TRABD2B: variants seen among roughly 807,000 people sequenced by gnomAD.
The protein encoded by TRABD2B is metalloprotease TIKI2.
TRABD2B carries 14 observed loss-of-function variants against 40.1 expected under a neutral mutation model. The ratio of observed to expected loss-of-function variants is 0.35; its 90% CI spans 0.23 to 0.55. TRABD2B has a LOEUF of 0.55. Ranked by LOEUF, TRABD2B falls within the 20% of genes least tolerant of loss-of-function variation. The pLI is 0.90. For synonymous variants in TRABD2B, 263 were observed against 277.0 expected, an observed-to-expected ratio of 0.95 and a Z score of 0.50; for missense variants, 541 against 648.6, an observed-to-expected ratio of 0.83 and a Z score of 1.80.
At chr1:47,847,726 A>G (rs1645491358) in intron 2 of TRABD2B, among the ~76,000 whole-genome samples, 1 of 152,218 alleles carries the variant, frequency 6.6e-6, no homozygotes, top group South Asian at 2.1e-4. Flanking sequence ...CAGCCCAGTC[A>G]AGAGGGGGAA....
At chr1:47,922,071 C>G (rs146323906) in intron 2 of TRABD2B, among the ~76,000 whole-genome samples, 1 of 152,212 alleles carries the variant, frequency 6.6e-6, no homozygotes, top group Non-Finnish European at 1.5e-5. Context: ...GCAAAGCCCA[C>G]GCCATTTCTG....
intron 2 of TRABD2B, among the ~76,000 whole-genome samples, chr1:47,909,292 A>G (rs1307877512): frequency 6.6e-6 from 1 of 152,170 alleles, no homozygotes; most frequent in Admixed American, 6.5e-5. Flanking sequence ...AAGCATTACA[A>G]GAAGCATGGC....
chr1:47,912,458 C>T (rs1570272525), intron 2 of TRABD2B, among the ~76,000 whole-genome samples: 1 of 152,230 alleles, frequency 6.6e-6, no homozygotes, highest in Middle Eastern at 3.4e-3. Flanking sequence ...AAATAAAACC[C>T]AGCCGTCTTT....
At chr1:47,938,518 C>G (rs1157563281) in intron 2 of TRABD2B, among the ~76,000 whole-genome samples, 1 of 152,156 alleles carries the variant, frequency 6.6e-6, no homozygotes, top group Non-Finnish European at 1.5e-5. Flanking sequence ...TTTTTGGAAG[C>G]ACTAGACACT....
intron 2 of TRABD2B, among the ~76,000 whole-genome samples, chr1:47,837,141 G>A (rs987164837): frequency 6.6e-6 from 1 of 152,162 alleles, no homozygotes; most frequent in South Asian, 2.1e-4. Flanking sequence ...AGAGCACTGG[G>A]GCTCAGGAAG....
chr1:47,931,175 T>G (rs1645035229), intron 2 of TRABD2B, among the ~76,000 whole-genome samples: 1 of 152,244 alleles, frequency 6.6e-6, no homozygotes, highest in African/African-American at 2.4e-5. Context: ...AATGATTATG[T>G]GTAGAATAGG....
chr1:47,852,741 G>C (rs972074250), intron 2 of TRABD2B, among the ~76,000 whole-genome samples: 5 of 152,198 alleles, frequency 3.3e-5, no homozygotes. Context: ...ATGAAGAAAT[G>C]GGGTGGGTGG....
rs147433996 is a variant in TRABD2B at position 47,828,474 on chromosome 1, G to A, written c.667-26855C>T. Among the ~76,000 whole-genome samples, 133 of 152,350 alleles carry A rather than the reference G, an allele frequency of 8.7e-4. 1 individual carries two copies. The highest frequency in any genetic ancestry group is 3.1e-3 in the African/African-American group (127 of 41,576). On this transcript the variant is annotated intron_variant, in intron 2 of 6. Coordinates refer to ENST00000606738, the MANE Select transcript of TRABD2B (RefSeq NM_001194986.2). Reference sequence around the variant, plus strand: ...GTCACTGGGATTTGACAGTGCACGAGGGCCGCTCAGTCAGCAGCTGCTGCA... The same window carrying A: ...GTCACTGGGATTTGACAGTGCACGAAGGCCGCTCAGTCAGCAGCTGCTGCA...
chr1:47,931,062 C>T (rs1645033682), intron 2 of TRABD2B, among the ~76,000 whole-genome samples: 1 of 152,194 alleles, frequency 6.6e-6, no homozygotes, highest in African/African-American at 2.4e-5. Context: ...GAGACCTTTT[C>T]TGTATTATCG....
At chr1:47,796,324 C>T (rs539609807) in intron 3 of TRABD2B, among the ~76,000 whole-genome samples, 3 of 152,176 alleles carry the variant, frequency 2.0e-5, no homozygotes, top group Non-Finnish European at 4.4e-5. Context: ...CTATCTTCAC[C>T]TACCCAGGCC....
At chr1:47,830,167 C>T (rs1460048700) in intron 2 of TRABD2B, among the ~76,000 whole-genome samples, 2 of 152,242 alleles carry the variant, frequency 1.3e-5, no homozygotes, top group Non-Finnish European at 2.9e-5. Context: ...GTCCCCCTCC[C>T]AGATGGGACC....
At chr1:47,960,397 T>C (rs1298644748) in intron 2 of TRABD2B, among the ~76,000 whole-genome samples, 2 of 152,140 alleles carry the variant, frequency 1.3e-5, no homozygotes, top group African/African-American at 4.8e-5. Context: ...ATGAAGGGGA[T>C]TCAATTAGGA....
intron 2 of TRABD2B, among the ~76,000 whole-genome samples, chr1:47,867,905 G>A: frequency 6.6e-6 from 1 of 152,312 alleles, no homozygotes; most frequent in South Asian, 2.1e-4. Flanking sequence ...TGCTTTATCA[G>A]GGGTAAAATG....
Position 47,996,648 on chromosome 1 carries a change from C to A in TRABD2B, c.102+40G>T. 8.2e-7 allele frequency: 1 copy of A among 1,226,318 alleles called. No individual in the cohort carries two copies. The highest frequency in any genetic ancestry group is 3.2e-5 in the East Asian group (1 of 31,148). 76.0% of individuals were successfully genotyped at this position (1,226,318 alleles called of 1,614,324 possible). ...CCATGGTCCCACGGGACTAGAATAC[C>A]CAGGCAGGCGGGAGAGTGGCCGGGC... is the stretch of plus-strand genomic sequence containing the variant. On this transcript the variant is annotated intron_variant, in intron 1 of 6. Transcript: ENST00000606738. This position sits in a 1 kb window ranked among gnomAD's most constrained non-coding sequence, Gnocchi z 4.6.
intron 2 of TRABD2B, among the ~76,000 whole-genome samples, chr1:47,803,800 T>C (rs886509800): frequency 6.6e-6 from 1 of 152,212 alleles, no homozygotes; most frequent in African/African-American, 2.4e-5. Context: ...TGTCACTTCA[T>C]TGTTTCTTTA....
At chr1:47,881,968 G>T (rs903134231) in intron 2 of TRABD2B, among the ~76,000 whole-genome samples, 24 of 152,228 alleles carry the variant, frequency 1.6e-4, no homozygotes, top group Non-Finnish European at 3.5e-4. Context: ...GCCACATCTG[G>T]CTCTGACGCA....
At chr1:47,967,595 T>G (rs1645622666) in intron 2 of TRABD2B, among the ~76,000 whole-genome samples, 1 of 152,200 alleles carries the variant, frequency 6.6e-6, no homozygotes, top group East Asian at 1.9e-4. Flanking sequence ...ACCAATACAC[T>G]GCAAAGGATG....
At chr1:47,990,778 TATATATA>T (rs1645994505) in intron 2 of TRABD2B, among the ~76,000 whole-genome samples, 1 of 4,010 alleles carries the variant, frequency 2.5e-4, no homozygotes, top group African/African-American at 9.6e-4. Flanking sequence ...GTTTTATATA[TATATATA>T]TATATATATA....
At chr1:47,788,125 T>A (rs903500100) in intron 4 of TRABD2B, among the ~76,000 whole-genome samples, 2 of 152,158 alleles carry the variant, frequency 1.3e-5, no homozygotes, top group Non-Finnish European at 2.9e-5. Flanking sequence ...ATAAATACCA[T>A]CCTGTTTCCC....
Sources: allele counts gnomAD v4.1 joint callset (sites outside exome capture counted in the v4.1 genomes callset), GRCh38; gene constraint gnomAD v4.1.1; non-coding constraint Gnocchi (gnomAD v3.1); transcripts MANE v1.5; gene names NCBI Gene and HGNC (gene_info 2026-07-23, HGNC 2026-07-21).